SNX1: variants seen among roughly 807,000 people sequenced by gnomAD.
The protein encoded by SNX1 is sorting nexin 1, also known as sorting nexin-1.
Under a neutral mutation model 71.8 loss-of-function variants are expected in SNX1, and 36 were observed. That is an observed-to-expected ratio of 0.50 (90% CI 0.38 to 0.66). The LOEUF (loss-of-function observed/expected upper bound fraction) is 0.66. SNX1 is among the 30% of genes least tolerant of loss of function. The probability of loss-of-function intolerance (pLI) is 0.00; values close to 1 mark genes in which losing one functional copy is unlikely to be tolerated. For missense variants in SNX1, 612 were observed against 646.7 expected (o/e 0.95, Z 0.58); for synonymous variants, 254 against 240.7 (o/e 1.06, Z -0.51).
chr15:64,113,416 G>C (rs2140140758), intron 2 of SNX1, among the ~76,000 whole-genome samples: 1 of 152,196 alleles, frequency 6.6e-6, no homozygotes, highest in East Asian at 1.9e-4. Context: ...TTATCTAGTG[G>C]GTAGAGGCCA....
At chr15:64,127,313 A>AG in intron 7 of SNX1, 61 bp downstream of exon 7, 1 of 1,319,742 alleles carries the variant, frequency 7.6e-7, no homozygotes, top group South Asian at 1.3e-5. Context: ...CTGAAAAGTG[A>AG]GTCTAAATGA....
rs758822069 is a variant in SNX1, at chr15:64,134,857, G to A, written c.1365+50G>A. 3.7e-6 allele frequency: 6 copies of A among 1,604,390 alleles called. No individual in the cohort carries two copies. The highest frequency in any genetic ancestry group is 5.1e-6 in the Non-Finnish European group (6 of 1,175,606). ...CAGGGGTGTTCTGCTGGTTCCAAATGAACCCAGGGCCCATCCCACCCAGAG... is the reference window on the plus strand; with the variant it reads ...CAGGGGTGTTCTGCTGGTTCCAAATAAACCCAGGGCCCATCCCACCCAGAG... On this transcript the variant is annotated intron_variant, in intron 12 of 14. Coordinates refer to ENST00000559844, the MANE Select transcript of SNX1 (RefSeq NM_003099.5). This position sits in a 1 kb window ranked among gnomAD's most constrained non-coding sequence, Gnocchi z 4.1.
chr15:64,137,032 AGGGGCT>A, intron 14 of SNX1, 100 bp downstream of exon 14: 1 of 895,648 alleles, frequency 1.1e-6, no homozygotes, highest in Non-Finnish European at 1.8e-6. Flanking sequence ...CCTGCTTCTG[AGGGGCT>A]GGGCCCTCCT....
chr15:64,120,760 G>A (rs916097311), intron 4 of SNX1, among the ~76,000 whole-genome samples: 6 of 152,130 alleles, frequency 3.9e-5, no homozygotes, highest in Non-Finnish European at 8.8e-5. Flanking sequence ...AGGATCATTT[G>A]AGCCTGGAAG....
chr15:64,104,866 C>T (rs62024170), intron 1 of SNX1, among the ~76,000 whole-genome samples: 11,030 of 128,164 alleles, frequency 0.086, 1,317 homozygotes, highest in African/African-American at 0.28. Context: ...GCCTGGGCGA[C>T]AGAGCAAGAC....
intron 7 of SNX1, 88 bp downstream of exon 7, chr15:64,127,340 G>A: frequency 3.0e-6 from 3 of 1,004,404 alleles, no homozygotes; most frequent in South Asian, 1.5e-5. Context: ...AGTCCATTGA[G>A]TTAGAGATGA....
intron 1 of SNX1, among the ~76,000 whole-genome samples, chr15:64,103,350 T>G (rs1477111842): frequency 6.6e-6 from 1 of 152,214 alleles, no homozygotes; most frequent in Non-Finnish European, 1.5e-5. Flanking sequence ...TTTCTCCATA[T>G]CCTTGCCAGC....
At position 64,138,326 on chromosome 15, in the gene SNX1, T is replaced by A; in HGVS notation, c.*708T>A. On this transcript the variant is annotated 3_prime_UTR_variant, in exon 15 of 15. Transcript: ENST00000559844. ...AGGAGGCAGAGACTTTCTCTCTCTC[T>A]TTTTTTTTTTTTTTTGGTGTCCCTA... is the stretch of plus-strand genomic sequence containing the variant. 5.0e-5 allele frequency: 5 copies of A among 99,022 alleles called. No homozygotes were observed. The highest frequency in any genetic ancestry group is 8.2e-5 in the Non-Finnish European group (5 of 60,910). 6.1% of individuals were successfully genotyped at this position (99,022 alleles called of 1,614,324 possible). A position where few individuals can be genotyped will look rare whatever the true frequency, so the allele number is the denominator to read the frequency against.
intron 2 of SNX1, among the ~76,000 whole-genome samples, chr15:64,114,461 T>C (rs1445770302): frequency 6.6e-6 from 1 of 152,200 alleles, no homozygotes; most frequent in Non-Finnish European, 1.5e-5. Flanking sequence ...AGAAACTGGC[T>C]TTGGGAAAAA....
chr15:64,127,595 C>T lies in SNX1; in HGVS notation c.732-136C>T. On this transcript the variant is annotated intron_variant, in intron 7 of 14. Transcript: ENST00000559844. The stretch of plus-strand genomic sequence containing the variant: ...CTTGAATATGCTTACAAGGAGAGAC[C>T]TACTTAAGTACCTTATCTTAGGGTA... The T allele has an allele frequency of 1.2e-5, 8 of 647,214 alleles. No homozygotes were observed. The South Asian group carries it at 1.5e-4, about 12-fold the overall frequency. The allele number at this position is 647,214 out of a possible 1,614,324, so 40.1% of individuals were successfully genotyped here.
At chr15:64,119,737 A>AACACAC (rs1555491445) in intron 4 of SNX1, among the ~76,000 whole-genome samples, 1 of 141,058 alleles carries the variant, frequency 7.1e-6, no homozygotes, top group Non-Finnish European at 1.5e-5. Flanking sequence ...AAAAAAAAAA[A>AACACAC]ACACACACAC....
chr15:64,110,042 G>A (rs2081063408), intron 1 of SNX1, among the ~76,000 whole-genome samples: 1 of 152,142 alleles, frequency 6.6e-6, no homozygotes, highest in African/African-American at 2.4e-5. Flanking sequence ...GGTGGAACCT[G>A]GAAACTGTCC....
At chr15:64,117,077 C>G (rs897941234) in intron 2 of SNX1, among the ~76,000 whole-genome samples, 2 of 152,136 alleles carry the variant, frequency 1.3e-5, no homozygotes, top group Non-Finnish European at 2.9e-5. Context: ...ACAGTGCTGT[C>G]ATCAGGTGTG....
rs1173503904 is a variant in SNX1 at position 64,144,169 on chromosome 15, A to T, written c.*6551A>T. On this transcript the variant is annotated 3_prime_UTR_variant, in exon 15 of 15. Coordinates refer to ENST00000559844, the MANE Select transcript of SNX1 (RefSeq NM_003099.5). This position sits in a 1 kb window ranked among gnomAD's most constrained non-coding sequence, Gnocchi z 4.3. ...TTTAATACCATTTTGTATTGCTTAA[A>T]ATTTGTATGTATTATCGTTAAAATA... The T allele has an allele frequency of 6.6e-6, 1 of 152,192 alleles. No individual in the cohort carries two copies. The highest frequency in any genetic ancestry group is 1.5e-5 in the Non-Finnish European group (1 of 68,040). The allele number at this position is 152,192 out of a possible 1,614,324, so 9.4% of individuals were successfully genotyped here. A position where few individuals can be genotyped will look rare whatever the true frequency, so the allele number is the denominator to read the frequency against.
At chr15:64,118,388 C>A in intron 3 of SNX1, 144 bp downstream of exon 3, 1 of 906,136 alleles carries the variant, frequency 1.1e-6, no homozygotes, top group Non-Finnish European at 1.7e-6. Context: ...AGCCAGAATC[C>A]AATACAGGAG....
chr15:64,134,485 T>G lies in SNX1; in HGVS notation c.1222-179T>G. 3.1e-6 allele frequency: 2 copies of G among 646,944 alleles called. No individual in the cohort carries two copies. The highest frequency in any genetic ancestry group is 3.1e-5 in the Admixed American group (1 of 31,814). 40.1% of individuals were successfully genotyped at this position (646,944 alleles called of 1,614,324 possible). On this transcript the variant is annotated intron_variant, in intron 11 of 14. Transcript: ENST00000559844. This position sits in a 1 kb window ranked among gnomAD's most constrained non-coding sequence, Gnocchi z 4.1. ...GGCCTTCTGGAAGCTTGGAGAGGAGTCTTACCCAAGCTTTGCTCCTAGACA... is the reference window on the plus strand; with the variant it reads ...GGCCTTCTGGAAGCTTGGAGAGGAGGCTTACCCAAGCTTTGCTCCTAGACA...
At position 64,131,821 on chromosome 15, in the gene SNX1, C is replaced by G. The variant is rs746667073; in HGVS notation, c.1150C>G (p.Gln384Glu). The change falls in exon 11 of 15, where the codon CAG (glutamine) becomes GAG (glutamate). Residue 384 changes from glutamine to glutamate, a missense_variant. By Grantham distance (29) the Gln-to-Glu change is conservative (BLOSUM62 2). Coordinates refer to ENST00000559844, the MANE Select transcript of SNX1 (RefSeq NM_003099.5). ...AAAAATTGAGCAGCTCCACCAGGAA[C>G]AGGCCAACAATGACTTCTTCCTCCT... Reference protein sequence around the residue: ...EEKIEQLHQEQANNDFFLLAE... With the variant: ...EEKIEQLHQEEANNDFFLLAE... 1 of 1,614,252 alleles carries G rather than the reference C, an allele frequency of 6.2e-7. No homozygotes were observed. Among genetic ancestry groups the G allele is most frequent in the South Asian group, 1.1e-5 (1 of 91,086 alleles).
chr15:64,121,289 G>C (rs1328920712), intron 4 of SNX1, among the ~76,000 whole-genome samples: 1 of 152,214 alleles, frequency 6.6e-6, no homozygotes, highest in Non-Finnish European at 1.5e-5. Context: ...TTGGAGGCCA[G>C]AAATCTCAAA....
intron 1 of SNX1, among the ~76,000 whole-genome samples, chr15:64,109,461 G>T (rs1045052844): frequency 1.8e-4 from 27 of 152,154 alleles, no homozygotes; most frequent in Admixed American, 1.6e-3. Flanking sequence ...TGAATGGAAA[G>T]AAATTTTCAC....
Sources: gnomAD v4.1 joint callset for allele counts (sites outside exome capture counted in the v4.1 genomes callset) on GRCh38, gnomAD v4.1.1 for gene constraint, Gnocchi (gnomAD v3.1) non-coding constraint, MANE v1.5 for transcripts, NCBI Gene and HGNC (gene_info 2026-07-23, HGNC 2026-07-21) for gene names.